Variants in EPHX2 observed in about 807,000 individuals in gnomAD.
EPHX2 encodes the protein epoxide hydrolase 2.
In EPHX2, 74 loss-of-function variants were observed where a neutral mutation model predicts 78.7. The ratio of observed to expected loss-of-function variants is 0.94; its 90% CI spans 0.78 to 1.14. The LOEUF (loss-of-function observed/expected upper bound fraction) is 1.14. EPHX2 is among the 50% of genes most tolerant of loss of function. The probability of loss-of-function intolerance (pLI) is 0.00; values close to 1 mark genes in which losing one functional copy is unlikely to be tolerated. For synonymous variants in EPHX2, 251 were observed against 255.2 expected (o/e 0.98, Z 0.16); for missense variants, 715 against 702.5 (o/e 1.02, Z -0.20).
intron 13 of EPHX2, among the ~76,000 whole-genome samples, chr8:27,538,093 A>T (rs567057478): frequency 6.6e-6 from 1 of 152,280 alleles, no homozygotes; most frequent in South Asian, 2.1e-4. Context: ...GAGAATGCAA[A>T]CTCAAATCCA....
Position 27,516,526 on chromosome 8 carries a change from C to A in EPHX2, c.910+128C>A, listed in dbSNP as rs956250584. 4.8e-6 allele frequency: 4 copies of A among 832,678 alleles called. No homozygotes were observed. In the African/African-American group the frequency reaches 6.9e-5, roughly 14 times the overall value. 51.6% of individuals were successfully genotyped at this position (832,678 alleles called of 1,614,324 possible). Reference sequence around the variant, plus strand: ...TCCCCTTAAGAGAGTCTGACTTCACCTCTTTCCTCTCCTACGGTGCCCTGT... The same window carrying A: ...TCCCCTTAAGAGAGTCTGACTTCACATCTTTCCTCTCCTACGGTGCCCTGT... On this transcript the variant is annotated intron_variant, in intron 8 of 18. Coordinates refer to ENST00000521400, the MANE Select transcript of EPHX2 (RefSeq NM_001979.6).
chr8:27,536,849 C>T lies in EPHX2; in HGVS notation c.1236C>T (p.Ser412=), dbSNP rs13439459. 0.096 allele frequency: 155,352 copies of T among 1,610,520 alleles called. 8,158 individuals carry two copies. The highest frequency in any genetic ancestry group is 0.11 in the Non-Finnish European group (125,960 of 1,178,966). The change falls in exon 13 of 19, where the codon AGC becomes AGT. Residue 412 remains serine, a synonymous_variant. Coordinates refer to ENST00000521400, the MANE Select transcript of EPHX2 (RefSeq NM_001979.6). ...SRTFKSLFRA[S]DESVLSMHKV... ...CTTTCAAAAGCCTCTTCAGAGCAAG[C>T]GATGAGGTGAGGGGTGGGGATGGGT...
At chr8:27,538,814 A>T in intron 14 of EPHX2, 122 bp downstream of exon 14, 1 of 1,134,136 alleles carries the variant, frequency 8.8e-7, no homozygotes, top group Non-Finnish European at 1.3e-6. Context: ...AAGTTGCCCA[A>T]CCAGGGTCCC....
At chr8:27,542,751 C>T (rs1815443379) in intron 16 of EPHX2, among the ~76,000 whole-genome samples, 2 of 152,074 alleles carry the variant, frequency 1.3e-5, no homozygotes, top group Admixed American at 6.5e-5. Context: ...AAGCAATTCT[C>T]CTGCCTCAGC....
chr8:27,518,382 C>T (rs72475858), intron 9 of EPHX2, among the ~76,000 whole-genome samples: 2,444 of 152,340 alleles, frequency 0.016, 66 homozygotes, highest in African/African-American at 0.055. Context: ...GATTGCCTCA[C>T]CATCTAAAGC....
chr8:27,545,147 G>A lies in EPHX2; in HGVS notation c.*625G>A, dbSNP rs4149260. The A allele has an allele frequency of 0.2, 30,674 of 152,320 alleles. 3,457 individuals are homozygous for A. Among genetic ancestry groups the A allele is most frequent in the African/African-American group, 0.3 (12,514 of 41,470 alleles). The allele number at this position is 152,320 out of a possible 1,614,324, so 9.4% of individuals were successfully genotyped here. ...ACAGGTAGCCACCTGCCTTTCTCCC[G>A]GCTTCCCTAGCAGAGTTTGCTCAGG... On this transcript the variant is annotated 3_prime_UTR_variant, in exon 19 of 19. Transcript: ENST00000521400.
rs551691585 is a variant in EPHX2 at position 27,542,451 on chromosome 8, G to A, written c.1449+909G>A. ...CTGTGTAAGGATGAAATGGTTGAAG[G>A]CATGTGACCTGTTACAAGCAGTACT... On this transcript the variant is annotated intron_variant, in intron 16 of 18. Transcript: ENST00000521400. Among the ~76,000 whole-genome samples the A allele has an allele frequency of 7.2e-5, 11 of 152,246 alleles. No homozygotes were observed. In the South Asian group the frequency reaches 2.3e-3, roughly 32 times the overall value.
intron 1 of EPHX2, among the ~76,000 whole-genome samples, chr8:27,497,662 A>G (rs1399730486): frequency 3.3e-5 from 5 of 152,172 alleles, no homozygotes; most frequent in Non-Finnish European, 5.9e-5. Context: ...TTTAGAATCA[A>G]TTGACCCTCG....
intron 10 of EPHX2, among the ~76,000 whole-genome samples, chr8:27,521,798 G>T (rs1389350288): frequency 6.6e-6 from 1 of 152,184 alleles, no homozygotes; most frequent in Non-Finnish European, 1.5e-5. Flanking sequence ...GCTGCCAGTG[G>T]GGTCAGTGTG....
intron 1 of EPHX2, among the ~76,000 whole-genome samples, chr8:27,492,498 C>T (rs932795284): frequency 6.6e-6 from 1 of 152,156 alleles, no homozygotes; most frequent in African/African-American, 2.4e-5. Context: ...GTCTTGCTGA[C>T]TTCAAGAATG....
intron 13 of EPHX2, 39 bp from the exon 14 acceptor site, chr8:27,538,620 C>G: frequency 6.3e-7 from 1 of 1,586,034 alleles, no homozygotes; most frequent in Non-Finnish European, 8.6e-7. Flanking sequence ...TTGTATCACC[C>G]ATGACATCAT....
intron 12 of EPHX2, among the ~76,000 whole-genome samples, chr8:27,535,384 A>G (rs1029129082): frequency 3.9e-5 from 6 of 152,062 alleles, no homozygotes; most frequent in African/African-American, 1.4e-4. Context: ...CATATTGGCC[A>G]GGCCGGTCTC....
At chr8:27,540,056 G>T (rs1292177898) in intron 14 of EPHX2, among the ~76,000 whole-genome samples, 1 of 152,194 alleles carries the variant, frequency 6.6e-6, no homozygotes, top group Admixed American at 6.5e-5. Flanking sequence ...ACCACAGAGG[G>T]TCTGTGCGGC....
chr8:27,520,828 G>A, intron 9 of EPHX2, 55 bp from the exon 10 acceptor site: 5 of 1,612,712 alleles, frequency 3.1e-6, no homozygotes, highest in South Asian at 2.2e-5. Context: ...CATCATAAAG[G>A]CTGAGGCAGG....
At chr8:27,515,886 A>G (rs1814431909) in intron 7 of EPHX2, 73 bp downstream of exon 7, 1 of 1,336,968 alleles carries the variant, frequency 7.5e-7, no homozygotes, top group East Asian at 2.3e-5. Flanking sequence ...TCCGACGTGG[A>G]CTGTCGTGAG....
intron 11 of EPHX2, 67 bp downstream of exon 11, chr8:27,522,575 T>C: frequency 6.5e-7 from 1 of 1,528,606 alleles, no homozygotes; most frequent in Non-Finnish European, 9.0e-7. Flanking sequence ...GAATTGTTCC[T>C]CAGATCTTTA....
chr8:27,520,862 T>C lies in EPHX2; in HGVS notation c.946-21T>C, dbSNP rs772941316. On this transcript the variant is annotated intron_variant, in intron 9 of 18. Coordinates refer to ENST00000521400, the MANE Select transcript of EPHX2 (RefSeq NM_001979.6). ...GGCGGGTGTGGTTGCTGATTTTGCC[T>C]GTGTGTGTCTTCTTCCTTAGGAGAT... The C allele has an allele frequency of 2.5e-6, 4 of 1,614,220 alleles. No homozygotes were observed. In the East Asian group the frequency reaches 6.7e-5, roughly 27 times the overall value.
intron 11 of EPHX2, 112 bp downstream of exon 11, chr8:27,522,620 C>G: frequency 1.9e-6 from 2 of 1,055,846 alleles, no homozygotes; most frequent in Non-Finnish European, 2.8e-6. Context: ...AGTAGGTAGT[C>G]TGGGAAGGTG....
intron 1 of EPHX2, among the ~76,000 whole-genome samples, chr8:27,491,836 T>G (rs1413558033): frequency 6.6e-6 from 1 of 152,112 alleles, no homozygotes; most frequent in East Asian, 1.9e-4. Flanking sequence ...TACAATATGG[T>G]TTCAGCTATG....
Sources: allele counts gnomAD v4.1 joint callset (sites outside exome capture counted in the v4.1 genomes callset), GRCh38; gene constraint gnomAD v4.1.1; transcripts MANE v1.5; gene names NCBI Gene and HGNC (gene_info 2026-07-23, HGNC 2026-07-21).